NAT1: variants seen among roughly 807,000 people sequenced by gnomAD.
NAT1 encodes the protein N-acetyltransferase 1, also known as arylamine N-acetyltransferase 1.
For synonymous variants in NAT1, 144 were observed against 122.6 expected, an observed-to-expected ratio of 1.17 and a Z score of -1.16; for missense variants, 400 against 339.2, an observed-to-expected ratio of 1.18 and a Z score of -1.41.
At position 18,223,620 on chromosome 8, in the gene NAT1, C is replaced by T. The variant is rs1907951; in HGVS notation, c.*700C>T. ...ATTTGTTATATGGATCAAGTAATAACGTCAGTAATGTTTTTGGTACAAAGT... is the reference window on the plus strand; with the variant it reads ...ATTTGTTATATGGATCAAGTAATAATGTCAGTAATGTTTTTGGTACAAAGT... On this transcript the variant is annotated 3_prime_UTR_variant, in exon 3 of 3. Transcript: ENST00000307719. 0.02 allele frequency: 3,324 copies of T among 166,766 alleles called. 39 individuals carry two copies. The highest frequency in any genetic ancestry group is 0.025 in the Non-Finnish European group (1,695 of 68,082). 10.3% of individuals were successfully genotyped at this position (166,766 alleles called of 1,614,324 possible).
chr8:18,201,524 C>T (rs1242822535), intron 2 of NAT1, among the ~76,000 whole-genome samples: 2 of 151,844 alleles, frequency 1.3e-5, no homozygotes, highest in African/African-American at 2.4e-5. Context: ...ATTCAAGACT[C>T]TCAGGGCCCC....
chr8:18,209,545 A>T (rs1375354655), upstream of NAT1, among the ~76,000 whole-genome samples: 1 of 152,224 alleles, frequency 6.6e-6, no homozygotes, highest in African/African-American at 2.4e-5. Flanking sequence ...GAATGTAAAT[A>T]AAAAACACCA....
At chr8:18,215,663 T>C (rs1804583941) in intron 1 of NAT1, among the ~76,000 whole-genome samples, 1 of 152,128 alleles carries the variant, frequency 6.6e-6, no homozygotes, top group East Asian at 1.9e-4. Flanking sequence ...TTGGTTGTGG[T>C]TTTTTTGTAT....
intron 2 of NAT1, among the ~76,000 whole-genome samples, chr8:18,179,583 G>A (rs1038162239): frequency 6.6e-6 from 1 of 152,162 alleles, no homozygotes; most frequent in Admixed American, 6.6e-5. Context: ...AACTGATTTT[G>A]GTGCATGATT....
chr8:18,176,342 G>A (rs990503317), intron 2 of NAT1, among the ~76,000 whole-genome samples: 4 of 152,184 alleles, frequency 2.6e-5, no homozygotes, highest in Admixed American at 6.5e-5. Context: ...CATTAACTGT[G>A]TAGTGTCACA....
intron 1 of NAT1, among the ~76,000 whole-genome samples, chr8:18,211,715 G>C (rs567471826): frequency 1.3e-5 from 2 of 152,170 alleles, no homozygotes; most frequent in African/African-American, 2.4e-5. Context: ...GAGGCCCAGT[G>C]AGCTGGCTTA....
intron 2 of NAT1, among the ~76,000 whole-genome samples, chr8:18,194,762 G>A (rs1437096649): frequency 1.3e-5 from 2 of 151,074 alleles, no homozygotes; most frequent in African/African-American, 2.4e-5. Context: ...GGAGGTTGAA[G>A]TAAGTTGAGA....
intron 2 of NAT1, among the ~76,000 whole-genome samples, chr8:18,188,565 G>C (rs1802837571): frequency 6.6e-6 from 1 of 151,936 alleles, no homozygotes; most frequent in African/African-American, 2.4e-5. Flanking sequence ...TGTGGCATTT[G>C]ATTATACATA....
intron 2 of NAT1, among the ~76,000 whole-genome samples, chr8:18,176,941 G>A (rs1412434119): frequency 6.6e-6 from 1 of 151,494 alleles, no homozygotes; most frequent in African/African-American, 2.4e-5. Context: ...CACCTCCTTG[G>A]TTAAATTTAC....
chr8:18,222,218 T>C lies in NAT1; in HGVS notation c.171T>C (p.Asp57=). Residue 57 remains aspartate, a synonymous_variant, in exon 3 of 3, where the codon GAT becomes GAC. Transcript: ENST00000307719. ...AMDLGLEAIF[D]QVVRRNRGGW... The stretch of plus-strand genomic sequence containing the variant: ...ACTTAGGCTTAGAGGCCATTTTTGA[T>C]CAAGTTGTGAGAAGAAATCGGGGTG... The C allele has an allele frequency of 1.2e-6, 2 of 1,614,092 alleles. No individual in the cohort carries two copies. The highest frequency in any genetic ancestry group is 1.7e-6 in the Non-Finnish European group (2 of 1,179,998).
rs148795668 is a variant in NAT1 at position 18,174,661 on chromosome 8, C to A, written n.92+3922C>A. Among the ~76,000 whole-genome samples the A allele has an allele frequency of 4.2e-3, 641 of 152,108 alleles. 4 individuals carry two copies. Among genetic ancestry groups the A allele is most frequent in the African/African-American group, 0.015 (615 of 41,494 alleles). ...AGAGGGCGGTTATTGTGATTTTTCC[C>A]TGTAATAATAATATTTATTTATTTG... On this transcript the variant is annotated intron_variant and non_coding_transcript_variant, in intron 2 of 4. Transcript: ENST00000517441.
intron 2 of NAT1, among the ~76,000 whole-genome samples, chr8:18,203,170 G>A (rs575014196): frequency 2.6e-5 from 4 of 152,132 alleles, no homozygotes; most frequent in Non-Finnish European, 4.4e-5. Flanking sequence ...ATGTTTATAC[G>A]CTTGTATGTA....
intron 2 of NAT1, among the ~76,000 whole-genome samples, chr8:18,172,608 C>G (rs1802139971): frequency 6.6e-6 from 1 of 152,164 alleles, no homozygotes; most frequent in African/African-American, 2.4e-5. Flanking sequence ...CTACCAATAC[C>G]TTGGCTCAGC....
At chr8:18,219,641 T>C (rs932245679) in intron 2 of NAT1, 152 bp downstream of exon 2, 3 of 156,062 alleles carry the variant, frequency 1.9e-5, no homozygotes, top group African/African-American at 7.2e-5. Flanking sequence ...AATAATGTTT[T>C]CAGTGAGCTC....
intron 1 of NAT1, among the ~76,000 whole-genome samples, chr8:18,214,426 A>G (rs958879051): frequency 1.3e-5 from 2 of 152,202 alleles, no homozygotes; most frequent in African/African-American, 2.4e-5. Context: ...TTTCCCTTCA[A>G]TACTTTGAAG....
chr8:18,205,312 G>A (rs1216728258), upstream of NAT1, among the ~76,000 whole-genome samples: 1 of 152,150 alleles, frequency 6.6e-6, no homozygotes, highest in African/African-American at 2.4e-5. Context: ...AAGCCTGATT[G>A]CAATTGTGTG....
rs1804613236 is a variant in NAT1 at position 18,215,943 on chromosome 8, G to A, written c.-85-3468G>A. Among the ~76,000 whole-genome samples, 3 of 152,178 alleles carry A rather than the reference G, an allele frequency of 2.0e-5. No individual in the cohort carries two copies. In the South Asian group the frequency reaches 6.2e-4, roughly 31 times the overall value. On this transcript the variant is annotated intron_variant, in intron 1 of 2. Coordinates refer to ENST00000307719, the MANE Select transcript of NAT1 (RefSeq NM_000662.8). The stretch of plus-strand genomic sequence containing the variant: ...AGACAGGTCTATGCCTTTCTCTGAA[G>A]ATGATTTTAAGGACTGCAAATTTAA...
intron 1 of NAT1, among the ~76,000 whole-genome samples, chr8:18,218,054 C>T (rs997121858): frequency 6.6e-6 from 1 of 152,124 alleles, no homozygotes; most frequent in Non-Finnish European, 1.5e-5. Context: ...GCAAGCGTTC[C>T]TCTTCTGGTG....
At chr8:18,176,155 G>T (rs1802286532) in intron 2 of NAT1, among the ~76,000 whole-genome samples, 1 of 151,982 alleles carries the variant, frequency 6.6e-6, no homozygotes, top group African/African-American at 2.4e-5. Context: ...CCATCCGTGG[G>T]TGGTCTGTTA....
Sources: gnomAD v4.1 joint callset for allele counts (sites outside exome capture counted in the v4.1 genomes callset) on GRCh38, gnomAD v4.1.1 for gene constraint, MANE v1.5 for transcripts, NCBI Gene and HGNC (gene_info 2026-07-23, HGNC 2026-07-21) for gene names.